The following FSCN1 variants were observed in gnomAD, a reference collection of about 807,000 sequenced individuals.
The protein encoded by FSCN1 is fascin.
Under a neutral mutation model 39.7 loss-of-function variants are expected in FSCN1, and 10 were observed. That is an observed-to-expected ratio of 0.25 (90% CI 0.16 to 0.43). The LOEUF (loss-of-function observed/expected upper bound fraction) is 0.43, where lower values mean the gene tolerates loss of function less well. FSCN1 is among the 20% of genes least tolerant of loss of function. FSCN1 has a pLI of 1.00. For synonymous variants in FSCN1, 322 were observed against 320.0 expected (o/e 1.01, Z -0.07); for missense variants, 525 against 723.8 (o/e 0.73, Z 3.15).
intron 1 of FSCN1, among the ~76,000 whole-genome samples, chr7:5,595,919 G>T (rs1304167719): frequency 2.0e-5 from 3 of 152,144 alleles, no homozygotes; most frequent in Non-Finnish European, 2.9e-5. Flanking sequence ...AAGCTTGCTG[G>T]GGGCGTCTGG....
chr7:5,592,932 C>T lies in FSCN1; in HGVS notation c.-5C>T. 5.3e-6 allele frequency: 8 copies of T among 1,502,504 alleles called. No individual in the cohort carries two copies. Among genetic ancestry groups the T allele is most frequent in the Admixed American group, 4.6e-5 (2 of 43,868 alleles). The allele number at this position is 1,502,504 out of a possible 1,614,324, so 93.1% of individuals were successfully genotyped here. A position where few individuals can be genotyped will look rare whatever the true frequency, so the allele number is the denominator to read the frequency against. Reference sequence around the variant, plus strand: ...CCGCGCAGCGGCCTCTCGTCTACTGCCACCATGACCGCCAACGGCACAGCC... The same window carrying T: ...CCGCGCAGCGGCCTCTCGTCTACTGTCACCATGACCGCCAACGGCACAGCC... On this transcript the variant is annotated 5_prime_UTR_variant, in exon 1 of 5. Coordinates refer to ENST00000382361, the MANE Select transcript of FSCN1 (RefSeq NM_003088.4). This position sits in a 1 kb window ranked among gnomAD's most constrained non-coding sequence, Gnocchi z 5.3.
At chr7:5,597,010 G>A (rs1367358081) in intron 1 of FSCN1, among the ~76,000 whole-genome samples, 1 of 152,208 alleles carries the variant, frequency 6.6e-6, no homozygotes, top group Non-Finnish European at 1.5e-5. Flanking sequence ...ACTGGAGGGT[G>A]TGAGGCAACC....
chr7:5,598,442 G>A (rs940725348), intron 1 of FSCN1, among the ~76,000 whole-genome samples: 2 of 152,206 alleles, frequency 1.3e-5, no homozygotes, highest in African/African-American at 2.4e-5. Context: ...GATTAAGGCC[G>A]ACGTGCATTC....
In FSCN1 at chr7:5,593,090, C is replaced by T. The variant is rs778346283; in HGVS notation, c.154C>T (p.Pro52Ser). 38 of 1,605,756 alleles carry T rather than the reference C, an allele frequency of 2.4e-5. No homozygotes were observed. Among genetic ancestry groups the T allele is most frequent in the Non-Finnish European group, 3.1e-5 (37 of 1,177,428 alleles). Residue 52 changes from proline (P) to serine (S), a missense_variant, in exon 1 of 5, where the codon CCT becomes TCT. Physicochemically the swap from Pro to Ser is moderately conservative, Grantham distance 74. Coordinates refer to ENST00000382361, the MANE Select transcript of FSCN1 (RefSeq NM_003088.4). ...KKQIWTLEQP[P>S]DEAGSAAVCL... The stretch of plus-strand genomic sequence containing the variant: ...GCAGATCTGGACGCTGGAGCAGCCC[C>T]CTGACGAGGCGGGCAGCGCGGCCGT...
chr7:5,594,045 A>ACCCCCC (rs758470979), intron 1 of FSCN1: 1 of 262,496 alleles, frequency 3.8e-6, no homozygotes, highest in Non-Finnish European at 6.6e-6. Context: ...CACCCTCCTA[A>ACCCCCC]CCCCCCCCCC....
rs546804171 is a variant in FSCN1 at position 5,604,007 on chromosome 7, A to G, written c.1256A>G (p.Asn419Ser). The G allele has an allele frequency of 2.5e-6, 4 of 1,613,700 alleles. No homozygotes were observed. The highest frequency in any genetic ancestry group is 1.3e-5 in the African/African-American group (1 of 75,036). The change falls in exon 4 of 5, where the codon AAC (asparagine) becomes AGC (serine). Residue 419 changes from asparagine (N) to serine (S), a missense_variant. Asn to Ser is a conservative substitution (Grantham distance 46, BLOSUM62 1). This residue lies in a region of FSCN1 where 275 missense variants were observed against 351.9 expected (regional missense o/e 0.78). Transcript: ENST00000382361. ...TATGACGTCTTCCAGCTGGAGTTCAACGATGGCGCCTACAACATCAAAGGC... is the reference window on the plus strand; with the variant it reads ...TATGACGTCTTCCAGCTGGAGTTCAGCGATGGCGCCTACAACATCAAAGGC... Reference protein sequence around the residue: ...SSYDVFQLEFNDGAYNIKDST... With the variant: ...SSYDVFQLEFSDGAYNIKDST...
rs755807383 is a variant in FSCN1 at position 5,593,509 on chromosome 7, C to G, written c.573C>G (p.Ala191=). 1.9e-6 allele frequency: 3 copies of G among 1,606,708 alleles called. No individual in the cohort carries two copies. The highest frequency in any genetic ancestry group is 2.5e-6 in the Non-Finnish European group (3 of 1,178,476). The change falls in exon 1 of 5, where the codon GCC becomes GCG. Residue 191 remains alanine (A), a synonymous_variant. Coordinates refer to ENST00000382361, the MANE Select transcript of FSCN1 (RefSeq NM_003088.4). ...ACCAGCGCTACAGCGTGCAGACCGC[C>G]GACCACCGCTTCCTGCGCCACGACG... The part of the protein sequence containing the change: ...FQDQRYSVQT[A]DHRFLRHDGR...
chr7:5,596,358 C>T (rs1785730660), intron 1 of FSCN1, among the ~76,000 whole-genome samples: 1 of 152,226 alleles, frequency 6.6e-6, no homozygotes, highest in Admixed American at 6.5e-5. Flanking sequence ...AAAAACGCTG[C>T]GCCCTGCTCT....
At chr7:5,598,267 G>C (rs1192463905) in intron 1 of FSCN1, among the ~76,000 whole-genome samples, 1 of 152,224 alleles carries the variant, frequency 6.6e-6, no homozygotes, top group African/African-American at 2.4e-5. Flanking sequence ...CTAAACCTTT[G>C]CATCAAACCA....
In FSCN1 at chr7:5,603,449, C is replaced by T. The variant is rs1562749330; in HGVS notation, c.989+36C>T. 5 of 1,613,904 alleles carry T rather than the reference C, an allele frequency of 3.1e-6. No homozygotes were observed. Among genetic ancestry groups the T allele is most frequent in the Admixed American group, 3.3e-5 (2 of 60,030 alleles). ...CGCTCCCACCTGTCACCGCCCCCAC[C>T]ACCTTGCCTGGGCTACCCCGCCTGA... On this transcript the variant is annotated intron_variant, in intron 2 of 4. Coordinates refer to ENST00000382361, the MANE Select transcript of FSCN1 (RefSeq NM_003088.4). The surrounding 1 kb of genome is among the most constrained non-coding windows in gnomAD (Gnocchi z 8.5).
Position 5,603,668 on chromosome 7 carries a change from CTGGCCATGCCG to C in FSCN1, c.1111+55_1111+65del. The stretch of plus-strand genomic sequence containing the variant: ...GAGCCGTCCTGGAGTCCTGGAGGGT[CTGGCCATGCCG>C]TGGTCACTTGGTAGCCCCAGCCAAG... On this transcript the variant is annotated intron_variant, in intron 3 of 4. Transcript: ENST00000382361. The surrounding 1 kb of genome is among the most constrained non-coding windows in gnomAD (Gnocchi z 8.5). 6.2e-7 allele frequency: 1 copy of C among 1,611,120 alleles called. No individual in the cohort carries two copies. Among genetic ancestry groups the C allele is most frequent in the Non-Finnish European group, 8.5e-7 (1 of 1,178,334 alleles).
At chr7:5,601,391 CG>C (rs1785829163) in intron 1 of FSCN1, among the ~76,000 whole-genome samples, 1 of 150,346 alleles carries the variant, frequency 6.7e-6, no homozygotes, top group African/African-American at 2.4e-5. Flanking sequence ...TTAGTAGAGG[CG>C]GGGTTTCACC....
chr7:5,602,661 T>C (rs1228678820), intron 1 of FSCN1, among the ~76,000 whole-genome samples: 1 of 152,168 alleles, frequency 6.6e-6, no homozygotes, highest in Non-Finnish European at 1.5e-5. Context: ...ACCCTCCTGA[T>C]TGGCTCAAGA....
chr7:5,594,016 G>A (rs2128548431), intron 1 of FSCN1: 1 of 528,522 alleles, frequency 1.9e-6, no homozygotes, highest in Non-Finnish European at 3.3e-6. Context: ...TAGGCCCCGC[G>A]GAGTCGCAAC....
At chr7:5,595,800 T>TG (rs1253443748) in intron 1 of FSCN1, among the ~76,000 whole-genome samples, 1 of 151,920 alleles carries the variant, frequency 6.6e-6, no homozygotes, top group East Asian at 1.9e-4. Context: ...CAGCCTCCCG[T>TG]GGGGAAGAAG....
chr7:5,603,151 C>A lies in FSCN1; in HGVS notation c.833-106C>A. ...GTGGGGACTCGGCCGCCCACCCCAC[C>A]CCGTGGTGTTACCTTGCGTGTGTAG... On this transcript the variant is annotated intron_variant, in intron 1 of 4. Transcript: ENST00000382361. The surrounding 1 kb of genome is among the most constrained non-coding windows in gnomAD (Gnocchi z 8.5). 1 of 1,323,334 alleles carries A rather than the reference C, an allele frequency of 7.6e-7. No individual in the cohort carries two copies. The highest frequency in any genetic ancestry group is 1.4e-5 in the African/African-American group (1 of 69,476). 82.0% of individuals were successfully genotyped at this position (1,323,334 alleles called of 1,614,324 possible). A position where few individuals can be genotyped will look rare whatever the true frequency, so the allele number is the denominator to read the frequency against.
intron 1 of FSCN1, among the ~76,000 whole-genome samples, chr7:5,601,504 C>T (rs1442211575): frequency 1.3e-5 from 2 of 152,096 alleles, no homozygotes. Flanking sequence ...TGGCAACCCG[C>T]ATGCTTCTTA....
At chr7:5,601,997 C>T (rs187979134) in intron 1 of FSCN1, among the ~76,000 whole-genome samples, 20 of 151,262 alleles carry the variant, frequency 1.3e-4, no homozygotes, top group Admixed American at 1.3e-3. Context: ...TCTTGTTGCC[C>T]AGGCTGGAGT....
At chr7:5,594,322 C>A (rs1785690274) in intron 1 of FSCN1, among the ~76,000 whole-genome samples, 1 of 152,054 alleles carries the variant, frequency 6.6e-6, no homozygotes, top group African/African-American at 2.4e-5. Flanking sequence ...GGCCTTCCTC[C>A]ACCTCCTCCC....
Sources: allele counts gnomAD v4.1 joint callset (sites outside exome capture counted in the v4.1 genomes callset), GRCh38; gene constraint gnomAD v4.1.1; regional missense constraint gnomAD v4.1.1; non-coding constraint Gnocchi (gnomAD v3.1); transcripts MANE v1.5; gene names NCBI Gene and HGNC (gene_info 2026-07-23, HGNC 2026-07-21).